ZBTB38: variants seen among roughly 807,000 people sequenced by gnomAD.
ZBTB38 encodes the protein zinc finger and BTB domain-containing protein 38.
ZBTB38 carries 20 observed loss-of-function variants against 76.8 expected under a neutral mutation model. That is an observed-to-expected ratio of 0.26 (90% CI 0.18 to 0.38). ZBTB38 has a LOEUF of 0.38. Ranked by LOEUF, ZBTB38 falls within the 10% of genes least tolerant of loss-of-function variation. ZBTB38 has a pLI of 1.00. For missense variants in ZBTB38, 1,082 were observed against 1,482.3 expected (o/e 0.73, Z 4.43); for synonymous variants, 504 against 544.2 (o/e 0.93, Z 1.03).
intron 5 of ZBTB38, among the ~76,000 whole-genome samples, chr3:141,417,797 A>G (rs546769028): frequency 2.2e-4 from 34 of 152,132 alleles, no homozygotes; most frequent in Non-Finnish European, 3.8e-4. Context: ...AGGCTTGATC[A>G]CGAGGTCAAG....
chr3:141,346,178 G>A (rs1050068635), intron 1 of ZBTB38, among the ~76,000 whole-genome samples: 2 of 152,124 alleles, frequency 1.3e-5, no homozygotes, highest in East Asian at 1.9e-4. Context: ...CTGGCTGCAC[G>A]TTGAAATCAC....
chr3:141,362,988 A>G (rs1039760750), intron 1 of ZBTB38, among the ~76,000 whole-genome samples: 6 of 151,996 alleles, frequency 3.9e-5, no homozygotes, highest in Non-Finnish European at 8.8e-5. Flanking sequence ...AGGTGGTATT[A>G]GTATTTCCTT....
chr3:141,389,816 A>C (rs1232872267), intron 4 of ZBTB38: 4 of 152,236 alleles, frequency 2.6e-5, no homozygotes, highest in Non-Finnish European at 4.4e-5. Context: ...CAATTGTTTT[A>C]CCATTAAAAT....
At chr3:141,436,169 A>G (rs1372082236) in intron 5 of ZBTB38, among the ~76,000 whole-genome samples, 1 of 152,232 alleles carries the variant, frequency 6.6e-6, no homozygotes, top group Admixed American at 6.5e-5. Flanking sequence ...TTTAAAGTCA[A>G]CGAATACTGT....
upstream of ZBTB38, among the ~76,000 whole-genome samples, chr3:141,364,702 A>G: frequency 7.7e-6 from 1 of 129,792 alleles, no homozygotes. Context: ...AAAAAAAAAA[A>G]AAAAAAAAGC....
chr3:141,358,249 G>A (rs1391375450), intron 1 of ZBTB38, among the ~76,000 whole-genome samples: 1 of 152,166 alleles, frequency 6.6e-6, no homozygotes, highest in Non-Finnish European at 1.5e-5. Context: ...GAGAACATTT[G>A]AATTGAACCT....
intron 2 of ZBTB38, among the ~76,000 whole-genome samples, chr3:141,370,560 C>A (rs945545604): frequency 2.6e-5 from 4 of 152,224 alleles, no homozygotes; most frequent in Non-Finnish European, 4.4e-5. Context: ...TGCATAGAAA[C>A]AGTGGGAGAA....
chr3:141,378,461 G>C (rs991601182), intron 2 of ZBTB38, among the ~76,000 whole-genome samples: 3 of 152,202 alleles, frequency 2.0e-5, no homozygotes, highest in Non-Finnish European at 4.4e-5. Flanking sequence ...TCTTGGTTTA[G>C]CCCAAGTACT....
At chr3:141,423,440 C>A (rs941530164) in intron 5 of ZBTB38, among the ~76,000 whole-genome samples, 2 of 152,126 alleles carry the variant, frequency 1.3e-5, no homozygotes, top group African/African-American at 4.8e-5. Context: ...ACTGCTGTGT[C>A]CACTTTATAG....
At chr3:141,401,539 T>G (rs1951940853) in intron 4 of ZBTB38, among the ~76,000 whole-genome samples, 1 of 152,170 alleles carries the variant, frequency 6.6e-6, no homozygotes. Flanking sequence ...GATGCAGAAT[T>G]GCAAGTACTG....
chr3:141,335,715 C>G (rs1319132443), intron 1 of ZBTB38, among the ~76,000 whole-genome samples: 2 of 152,242 alleles, frequency 1.3e-5, no homozygotes, highest in African/African-American at 4.8e-5. Context: ...CTGCTGAACT[C>G]TCCATGACAT....
At chr3:141,404,138 G>A (rs527416955) in intron 5 of ZBTB38, 107 bp downstream of exon 5, 1 of 152,286 alleles carries the variant, frequency 6.6e-6, no homozygotes, top group East Asian at 1.9e-4. Flanking sequence ...CAAGTTTTGG[G>A]GTTACAAAGT....
In ZBTB38 at chr3:141,446,030, T is replaced by C. The variant is rs530246795; in HGVS notation, c.*54T>C. 2.8e-6 allele frequency: 4 copies of C among 1,451,668 alleles called. No homozygotes were observed. The African/African-American group carries it at 4.2e-5, about 15-fold the overall frequency. 89.9% of individuals were successfully genotyped at this position (1,451,668 alleles called of 1,614,324 possible). On this transcript the variant is annotated 3_prime_UTR_variant, in exon 6 of 6. Transcript: ENST00000321464. ...ATATAGTTGGTGGTTTTTTTAGTTA[T>C]GATTTAAGTTTAGTTTCATTTTGTC...
chr3:141,328,533 A>G (rs997919723), intron 1 of ZBTB38, among the ~76,000 whole-genome samples: 10 of 151,862 alleles, frequency 6.6e-5, no homozygotes, highest in South Asian at 2.1e-4. Context: ...TGCACACTCT[A>G]CCTCCTAAAT....
At chr3:141,376,898 G>C (rs995820857) in intron 2 of ZBTB38, among the ~76,000 whole-genome samples, 2 of 152,218 alleles carry the variant, frequency 1.3e-5, no homozygotes, top group African/African-American at 4.8e-5. Flanking sequence ...CCCAAGATTT[G>C]ACAAGTGCTA....
intron 5 of ZBTB38, among the ~76,000 whole-genome samples, chr3:141,428,970 CAT>C (rs780189933): frequency 3.3e-5 from 5 of 152,180 alleles, no homozygotes; most frequent in Non-Finnish European, 7.3e-5. Flanking sequence ...GATTTATAAA[CAT>C]ATATCTTTTT....
At chr3:141,403,086 A>G (rs902122136) in intron 4 of ZBTB38, 2 of 152,230 alleles carry the variant, frequency 1.3e-5, no homozygotes, top group African/African-American at 4.8e-5. Context: ...TTTATAGGGT[A>G]CATCATAAAT....
chr3:141,371,870 C>A (rs925496124), intron 2 of ZBTB38, among the ~76,000 whole-genome samples: 1 of 152,138 alleles, frequency 6.6e-6, no homozygotes, highest in East Asian at 1.9e-4. Context: ...TCCCCTCATT[C>A]GTAAATATAA....
chr3:141,364,079 G>A (rs115017239), upstream of ZBTB38, among the ~76,000 whole-genome samples: 4,531 of 145,768 alleles, frequency 0.031, 85 homozygotes, highest in African/African-American at 0.048. Flanking sequence ...TATATATCTG[G>A]TAAGGGACTT....
Sources: gnomAD v4.1 joint callset for allele counts (sites outside exome capture counted in the v4.1 genomes callset) on GRCh38, gnomAD v4.1.1 for gene constraint, MANE v1.5 for transcripts, NCBI Gene and HGNC (gene_info 2026-07-23, HGNC 2026-07-21) for gene names.